The following PATJ variants were observed in gnomAD, a reference collection of about 807,000 sequenced individuals.
PATJ encodes the protein PATJ crumbs cell polarity complex component.
In PATJ, 190 loss-of-function variants were observed where a neutral mutation model predicts 224.9. The observed-to-expected ratio is 0.84, with a 90% CI of 0.75 to 0.95. The LOEUF is 0.95. Ranked by LOEUF, PATJ falls within the 40% of genes least tolerant of loss-of-function variation. The pLI, the probability that PATJ is intolerant of heterozygous loss-of-function variation, is 0.00. For synonymous variants in PATJ, 769 were observed against 820.3 expected (o/e 0.94, Z 1.07); for missense variants, 2,121 against 2,270.3 (o/e 0.93, Z 1.34).
chr1:61,888,122 T>C (rs929251333), intron 22 of PATJ, among the ~76,000 whole-genome samples: 2 of 151,878 alleles, frequency 1.3e-5, no homozygotes, highest in African/African-American at 4.8e-5. Context: ...AGAGGGAGAG[T>C]GCTGCCAGGC....
chr1:61,856,029 G>A lies in PATJ; in HGVS notation c.2113-1G>A, dbSNP rs1301142963. ...ATCCTTCTTCTTTGCTCGATTCACA[G>A]GACCCTTTAGATCCTACAAGATCAG... On this transcript the variant is annotated splice_acceptor_variant, in intron 17 of 43. Coordinates refer to ENST00000642238, the MANE Select transcript of PATJ (RefSeq NM_001350145.3). LOFTEE classifies it high-confidence loss of function. The A allele has an allele frequency of 6.2e-7, 1 of 1,612,886 alleles. No individual in the cohort carries two copies. Among genetic ancestry groups the A allele is most frequent in the Non-Finnish European group, 8.5e-7 (1 of 1,179,030 alleles).
intron 36 of PATJ, 95 bp from the exon 37 acceptor site, chr1:62,117,037 T>C: frequency 9.6e-7 from 1 of 1,036,586 alleles, no homozygotes; most frequent in Non-Finnish European, 1.4e-6. Context: ...CATTACCCTT[T>C]TATAATTTGT....
chr1:61,909,577 A>G (rs11810379), intron 25 of PATJ, among the ~76,000 whole-genome samples: 3,278 of 152,170 alleles, frequency 0.022, 127 homozygotes, highest in African/African-American at 0.075. Flanking sequence ...GGCTCAAGCA[A>G]TCTTACTGCC....
intron 30 of PATJ, among the ~76,000 whole-genome samples, chr1:62,045,608 G>T (rs1457567743): frequency 1.3e-5 from 2 of 152,150 alleles, no homozygotes; most frequent in African/African-American, 4.8e-5. Flanking sequence ...GGGAGAAGTT[G>T]TTCTCCTTAA....
chr1:61,913,247 T>G (rs1279044032), intron 25 of PATJ, among the ~76,000 whole-genome samples: 1 of 152,178 alleles, frequency 6.6e-6, no homozygotes, highest in East Asian at 1.9e-4. Flanking sequence ...TATTTATGTA[T>G]TTTTTGAATC....
intron 13 of PATJ, among the ~76,000 whole-genome samples, chr1:61,805,883 ATC>A (rs1178926844): frequency 1.3e-5 from 2 of 152,130 alleles, no homozygotes; most frequent in African/African-American, 4.8e-5. Flanking sequence ...TGCTTTTATG[ATC>A]TGTTTGTTTT....
rs78900654 is a variant in PATJ at position 61,754,672 on chromosome 1, G to A, written c.-35-8186G>A. On this transcript the variant is annotated intron_variant, in intron 1 of 43. Coordinates refer to ENST00000642238, the MANE Select transcript of PATJ (RefSeq NM_001350145.3). ...CCAACGTGCCTGGCCTTATATACTC[G>A]TAAAGCTTTAATCTTCTTCCCTAGA... 8.1e-3 allele frequency among the ~76,000 whole-genome samples: 1,224 copies of A among 151,798 alleles called. 11 individuals are homozygous for A. The highest frequency in any genetic ancestry group is 0.012 in the Non-Finnish European group (820 of 67,924).
At chr1:62,079,349 T>G (rs1162492331) in intron 31 of PATJ, 101 bp from the exon 32 acceptor site, 1 of 717,996 alleles carries the variant, frequency 1.4e-6, no homozygotes, top group East Asian at 2.5e-5. Context: ...AAGACATCAT[T>G]GGACTGCACC....
At chr1:61,958,481 A>G (rs1277973887) in intron 27 of PATJ, among the ~76,000 whole-genome samples, 2 of 152,178 alleles carry the variant, frequency 1.3e-5, no homozygotes, top group Non-Finnish European at 2.9e-5. Flanking sequence ...TTTGCAAAAT[A>G]TCTATACACC....
At chr1:61,967,053 G>A (rs1682277573) in intron 27 of PATJ, among the ~76,000 whole-genome samples, 1 of 152,152 alleles carries the variant, frequency 6.6e-6, no homozygotes, top group Non-Finnish European at 1.5e-5. Context: ...CAACATCTGG[G>A]AATGCAGCTC....
intron 29 of PATJ, among the ~76,000 whole-genome samples, chr1:62,021,234 G>A (rs780096500): frequency 1.3e-5 from 2 of 152,102 alleles, no homozygotes; most frequent in Admixed American, 6.6e-5. Context: ...GATCTATTCC[G>A]TGTATCCTCA....
chr1:61,871,444 C>CACATATATATGCATATATATGTGTATAT (rs1553186011), intron 20 of PATJ, among the ~76,000 whole-genome samples: 6 of 11,192 alleles, frequency 5.4e-4, no homozygotes, highest in Non-Finnish European at 1.2e-3. Context: ...TGTGTATATA[C>CACATATATATGCATATATATGTGTATAT]ACATATATAT....
intron 28 of PATJ, among the ~76,000 whole-genome samples, chr1:62,002,781 A>G (rs535391804): frequency 1.3e-5 from 2 of 151,958 alleles, no homozygotes; most frequent in African/African-American, 4.8e-5. Context: ...AGGGAGTGAT[A>G]GAGTCCTTTG....
At chr1:61,983,549 G>A (rs1396932353) in intron 27 of PATJ, among the ~76,000 whole-genome samples, 1 of 152,050 alleles carries the variant, frequency 6.6e-6, no homozygotes. Flanking sequence ...AATTGTATCT[G>A]TCTAAAGCTT....
intron 27 of PATJ, among the ~76,000 whole-genome samples, chr1:61,951,177 T>TA (rs533610349): frequency 0.14 from 19,116 of 136,606 alleles, 1,514 homozygotes; most frequent in Middle Eastern, 0.23. Flanking sequence ...CAACTCTGTC[T>TA]AAAAAAAAAA....
chr1:61,852,149 A>C (rs911898586), intron 17 of PATJ, among the ~76,000 whole-genome samples: 1 of 146,794 alleles, frequency 6.8e-6, no homozygotes, highest in Admixed American at 6.8e-5. Flanking sequence ...AAAGAGGTGT[A>C]GGGTACAACT....
chr1:61,814,442 C>G (rs185876601), intron 14 of PATJ, among the ~76,000 whole-genome samples: 2 of 151,572 alleles, frequency 1.3e-5, no homozygotes, highest in Admixed American at 1.3e-4. Flanking sequence ...CGTGCCCGGC[C>G]GCATTATTCT....
intron 17 of PATJ, among the ~76,000 whole-genome samples, chr1:61,837,876 C>A (rs1030389405): frequency 1.3e-5 from 2 of 151,536 alleles, no homozygotes; most frequent in African/African-American, 4.9e-5. Flanking sequence ...CTCTCTGGAC[C>A]GGTCAGTGAC....
intron 27 of PATJ, among the ~76,000 whole-genome samples, chr1:61,954,090 A>G (rs1487193866): frequency 6.6e-6 from 1 of 152,236 alleles, no homozygotes; most frequent in Non-Finnish European, 1.5e-5. Flanking sequence ...TATGTGTTAT[A>G]TGTAAGTTAC....
Sources: allele counts gnomAD v4.1 joint callset (sites outside exome capture counted in the v4.1 genomes callset), GRCh38; gene constraint gnomAD v4.1.1; transcripts MANE v1.5; gene names NCBI Gene and HGNC (gene_info 2026-07-23, HGNC 2026-07-21).